The following VWA3A variants were observed in gnomAD, a reference collection of about 807,000 sequenced individuals.
VWA3A encodes the protein von Willebrand factor A domain containing 3A, also known as von Willebrand factor A domain-containing protein 3A.
In VWA3A, 134 loss-of-function variants were observed where a neutral mutation model predicts 160.4. That is an observed-to-expected ratio of 0.84 (90% confidence interval 0.73 to 0.96). The LOEUF (loss-of-function observed/expected upper bound fraction) is 0.96. VWA3A is among the 40% of genes least tolerant of loss of function. The pLI, the probability that VWA3A is intolerant of heterozygous loss-of-function variation, is 0.00. For missense variants in VWA3A, 1,310 were observed against 1,447.9 expected, an observed-to-expected ratio of 0.90 and a Z score of 1.55; for synonymous variants, 476 against 543.4, an observed-to-expected ratio of 0.88 and a Z score of 1.72.
Position 22,138,505 on chromosome 16 carries a change from C to A in VWA3A, c.2285C>A (p.Ala762Asp), listed in dbSNP as rs768432538. ...CPPRPTVPLG[A>D]RMSIKDDPDR... ...CCCAGGCCCACCGTCCCCCTGGGGG[C>A]CAGAATGGTTTGACTCCCCTCCTAA... The change falls in exon 22 of 34, where the codon GCC becomes GAC. Residue 762 changes from alanine to aspartate, a missense_variant. By Grantham distance (126) the Ala-to-Asp change is moderately radical. Transcript: ENST00000389398. 1.2e-6 allele frequency: 2 copies of A among 1,613,864 alleles called. No individual in the cohort carries two copies. The highest frequency in any genetic ancestry group is 2.2e-5 in the South Asian group (2 of 91,062).
chr16:22,136,872 A>AAT (rs1256696958), intron 21 of VWA3A, among the ~76,000 whole-genome samples: 1 of 133,594 alleles, frequency 7.5e-6, no homozygotes, highest in East Asian at 2.3e-4. Context: ...CTCTACTAAA[A>AAT]ATACACACAC....
At chr16:22,109,669 C>A in intron 7 of VWA3A, 89 bp downstream of exon 7, 1 of 1,082,078 alleles carries the variant, frequency 9.2e-7, no homozygotes, top group Non-Finnish European at 1.4e-6. Context: ...TTGTTTATAG[C>A]AAATGCAAGA....
rs542522738 is a variant in VWA3A at position 22,149,880 on chromosome 16, G to C, written c.3078G>C (p.Trp1026Cys). 25 of 1,612,260 alleles carry C rather than the reference G, an allele frequency of 1.6e-5. No homozygotes were observed. The South Asian group carries it at 2.3e-4, about 15-fold the overall frequency. ...CAGCGTGTCATGAGGCTATGCAATG[G>C]GTGACCCACCTGCAAGCTCAGGGCA... is the stretch of plus-strand genomic sequence containing the variant. Reference protein sequence around the residue: ...TDAACHEAMQWVTHLQAQGST... With the variant: ...TDAACHEAMQCVTHLQAQGST... Residue 1026 changes from tryptophan (W) to cysteine (C), a missense_variant, in exon 29 of 34, where the codon TGG (tryptophan) becomes TGC (cysteine). Coordinates refer to ENST00000389398, the MANE Select transcript of VWA3A (RefSeq NM_173615.5).
At chr16:22,110,812 G>A (rs1185796810) in intron 7 of VWA3A, 76 bp from the exon 8 acceptor site, 49 of 1,404,456 alleles carry the variant, frequency 3.5e-5, no homozygotes, top group Non-Finnish European at 4.6e-5. Context: ...AGAGGGGCCA[G>A]CAAAGGCCAG....
At chr16:22,134,514 C>G in intron 21 of VWA3A, 76 bp downstream of exon 21, 1 of 1,295,974 alleles carries the variant, frequency 7.7e-7, no homozygotes, top group Non-Finnish European at 1.1e-6. Context: ...CTGCCACAAA[C>G]TGGGTGGCTT....
intron 17 of VWA3A, among the ~76,000 whole-genome samples, chr16:22,127,017 A>T (rs1379923144): frequency 6.7e-6 from 1 of 149,126 alleles, no homozygotes; most frequent in Non-Finnish European, 1.5e-5. Flanking sequence ...TATATATAGT[A>T]TATATAGTTT....
intron 8 of VWA3A, among the ~76,000 whole-genome samples, 177 bp downstream of exon 8, chr16:22,111,171 G>A (rs1404896221): frequency 2.0e-5 from 3 of 151,910 alleles, no homozygotes; most frequent in Non-Finnish European, 4.4e-5. Flanking sequence ...CCTCGTGAGC[G>A]GTTCATAAAC....
chr16:22,123,830 C>A, intron 16 of VWA3A, 123 bp downstream of exon 16: 2 of 898,798 alleles, frequency 2.2e-6, no homozygotes, highest in Non-Finnish European at 3.4e-6. Context: ...GATTAGGAAT[C>A]TCTCAGCAGA....
At chr16:22,127,062 T>C (rs2045863220) in intron 17 of VWA3A, among the ~76,000 whole-genome samples, 1 of 149,640 alleles carries the variant, frequency 6.7e-6, no homozygotes, top group Non-Finnish European at 1.5e-5. Context: ...TTATATTTTA[T>C]ATATAATTAA....
chr16:22,119,663 C>G (rs541361707), intron 12 of VWA3A, among the ~76,000 whole-genome samples: 1 of 152,104 alleles, frequency 6.6e-6, no homozygotes, highest in Non-Finnish European at 1.5e-5. Context: ...GAGCGAGGCC[C>G]TGTCTCAAAA....
intron 9 of VWA3A, chr16:22,116,267 AAAAAG>A (rs1220864865): frequency 7.2e-6 from 3 of 414,510 alleles, no homozygotes; most frequent in African/African-American, 2.2e-5. Flanking sequence ...AGAGAGAAAG[AAAAAG>A]AAAAGAAGAA....
rs2046286592 is a variant in VWA3A at position 22,148,143 on chromosome 16, C to A, written c.2840-19C>A. 2.2e-5 allele frequency: 35 copies of A among 1,585,690 alleles called. No homozygotes were observed. Among genetic ancestry groups the A allele is most frequent in the Non-Finnish European group, 2.8e-5 (33 of 1,166,250 alleles). ...CCCCTCACTCCCTCCCTGCCTCTTC[C>A]CCACCTGTCTCGGAGCAGGGAGCCG... On this transcript the variant is annotated intron_variant, in intron 27 of 33. Coordinates refer to ENST00000389398, the MANE Select transcript of VWA3A (RefSeq NM_173615.5).
rs930098509 is a variant in VWA3A at position 22,141,385 on chromosome 16, T to C, written c.2384-197T>C. Reference sequence around the variant, plus strand: ...CAGGGAAAGATCTGGACTCAGTAAATGGTAGCTATAGCTATTTCTGATCCA... The same window carrying C: ...CAGGGAAAGATCTGGACTCAGTAAACGGTAGCTATAGCTATTTCTGATCCA... On this transcript the variant is annotated intron_variant, in intron 23 of 33. Transcript: ENST00000389398. 2.6e-5 allele frequency: 17 copies of C among 644,462 alleles called. No homozygotes were observed. In the African/African-American group the frequency reaches 3.1e-4, roughly 12 times the overall value. 39.9% of individuals were successfully genotyped at this position (644,462 alleles called of 1,614,324 possible).
rs1010875672 is a variant in VWA3A at position 22,136,919 on chromosome 16, G to A, written c.2140-1441G>A. On this transcript the variant is annotated intron_variant, in intron 21 of 33. Transcript: ENST00000389398. ...CGCACACACACACACACACACACAC[G>A]CAAAATTAGCTGGGTGTGGTGGTGC... 1.2e-4 allele frequency among the ~76,000 whole-genome samples: 16 copies of A among 133,834 alleles called. No individual in the cohort carries two copies. The South Asian group carries it at 1.7e-3, about 14-fold the overall frequency. 87.8% of individuals were successfully genotyped at this position (133,834 alleles called of 152,430 possible). A position where few individuals can be genotyped will look rare whatever the true frequency, so the allele number is the denominator to read the frequency against.
At chr16:22,121,474 C>G (rs776580580) in intron 13 of VWA3A, 40 bp from the exon 14 acceptor site, 2 of 1,498,248 alleles carry the variant, frequency 1.3e-6, no homozygotes, top group Non-Finnish European at 1.9e-6. Context: ...CCCTTTGGAG[C>G]TTCTCAGGCA....
At chr16:22,144,510 G>A (rs960373850) in intron 26 of VWA3A, 126 bp downstream of exon 26, 30 of 1,360,812 alleles carry the variant, frequency 2.2e-5, no homozygotes, top group Middle Eastern at 1.9e-4. Context: ...CCCAAAGTGG[G>A]ACTCCCCTCA....
chr16:22,118,461 A>G (rs1296241051), intron 11 of VWA3A, among the ~76,000 whole-genome samples: 3 of 152,016 alleles, frequency 2.0e-5, no homozygotes, highest in Non-Finnish European at 4.4e-5. Context: ...CGAGGCGGGC[A>G]GATCACAAGG....
Position 22,109,592 on chromosome 16 carries a change from T to C in VWA3A, c.582+12T>C. ...AAAAGGACCTCATGGTAAGTCTGTCTGGCACAGAGAAACACCTGGAACCAC... is the reference window on the plus strand; with the variant it reads ...AAAAGGACCTCATGGTAAGTCTGTCCGGCACAGAGAAACACCTGGAACCAC... On this transcript the variant is annotated intron_variant, in intron 7 of 33. Transcript: ENST00000389398. 2 of 1,611,690 alleles carry C rather than the reference T, an allele frequency of 1.2e-6. No individual in the cohort carries two copies. Among genetic ancestry groups the C allele is most frequent in the South Asian group, 1.1e-5 (1 of 91,030 alleles).
chr16:22,115,503 C>T, intron 9 of VWA3A, 31 bp downstream of exon 9: 1 of 1,579,040 alleles, frequency 6.3e-7, no homozygotes, highest in Non-Finnish European at 8.6e-7. Flanking sequence ...AGGTGACATA[C>T]TACATGAAAA....
Sources: gnomAD v4.1 joint callset for allele counts (sites outside exome capture counted in the v4.1 genomes callset) on GRCh38, gnomAD v4.1.1 for gene constraint, MANE v1.5 for transcripts, NCBI Gene and HGNC (gene_info 2026-07-23, HGNC 2026-07-21) for gene names.